The following BCL11B variants were observed in gnomAD, a reference collection of about 807,000 sequenced individuals.
The protein encoded by BCL11B is B-cell lymphoma/leukemia 11B.
In BCL11B, 8 loss-of-function variants were observed where a neutral mutation model predicts 49.9. The observed-to-expected ratio is 0.16, with a 90% confidence interval of 0.09 to 0.29. The LOEUF is 0.29. BCL11B is among the 10% of genes least tolerant of loss of function. BCL11B has a pLI of 1.00. For synonymous variants in BCL11B, 739 were observed against 637.4 expected, an observed-to-expected ratio of 1.16 and a Z score of -2.40; for missense variants, 1,006 against 1,351.0, an observed-to-expected ratio of 0.74 and a Z score of 4.00.
chr14:99,197,868 G>A (rs966045929), intron 3 of BCL11B, among the ~76,000 whole-genome samples: 1 of 152,166 alleles, frequency 6.6e-6, no homozygotes, highest in Non-Finnish European at 1.5e-5. Flanking sequence ...GAGGACAGCA[G>A]ACTCTGCTGT....
chr14:99,271,458 GA>G lies in BCL11B; in HGVS notation c.-241del, dbSNP rs974904377. 5.7e-5 allele frequency: 9 copies of G among 157,710 alleles called. No individual in the cohort carries two copies. Among genetic ancestry groups the G allele is most frequent in the South Asian group, 4.5e-4 (2 of 4,456 alleles). 9.8% of individuals were successfully genotyped at this position (157,710 alleles called of 1,614,324 possible). On this transcript the variant is annotated 5_prime_UTR_variant, in exon 1 of 4. Coordinates refer to ENST00000357195, the MANE Select transcript of BCL11B (RefSeq NM_138576.4). ...CTGTTTTTTGTTTTGTTTGCAAAAA[GA>G]AAAAAAAGGGAAGAAAAGCAAGAAA...
intron 2 of BCL11B, among the ~76,000 whole-genome samples, chr14:99,235,572 C>T (rs373310875): frequency 6.6e-6 from 1 of 152,200 alleles, no homozygotes; most frequent in Non-Finnish European, 1.5e-5. Context: ...CTTACGTCAA[C>T]TCTCTTGACA....
At chr14:99,198,925 C>G (rs575731667) in intron 3 of BCL11B, among the ~76,000 whole-genome samples, 1 of 152,254 alleles carries the variant, frequency 6.6e-6, no homozygotes, top group East Asian at 1.9e-4. Context: ...CCAGGTGCAC[C>G]CCAGCCCCGT....
chr14:99,257,749 C>T lies in BCL11B; in HGVS notation c.149G>A (p.Gly50Asp). The part of the protein sequence containing the change: ...EPSGLGLMVG[G>D]PDPDLLTCGQ... The stretch of plus-strand genomic sequence containing the variant: ...ACAGGTGAGCAGGTCAGGGTCGGGG[C>T]CACCCACCATCAGCCCCAGGCCACT... The change falls in exon 2 of 4, where the codon GGC becomes GAC. Residue 50 changes from glycine to aspartate, a missense_variant. Physicochemically the swap from Gly to Asp is moderately conservative, Grantham distance 94. This residue lies in a region of BCL11B where 411 missense variants were observed against 542.2 expected (regional missense o/e 0.76). Transcript: ENST00000357195. This position sits in a 1 kb window ranked among gnomAD's most constrained non-coding sequence, Gnocchi z 6.2. 6.2e-7 allele frequency: 1 copy of T among 1,607,860 alleles called. No individual in the cohort carries two copies. The highest frequency in any genetic ancestry group is 1.3e-5 in the African/African-American group (1 of 74,892).
At chr14:99,211,076 G>A (rs1007297500) in intron 3 of BCL11B, among the ~76,000 whole-genome samples, 6 of 152,128 alleles carry the variant, frequency 3.9e-5, no homozygotes, top group African/African-American at 7.2e-5. Flanking sequence ...TGCGGGCCCC[G>A]TCCTGAGCCA....
intron 2 of BCL11B, among the ~76,000 whole-genome samples, chr14:99,240,612 A>G (rs1888633487): frequency 6.6e-6 from 1 of 152,232 alleles, no homozygotes; most frequent in Admixed American, 6.5e-5. Context: ...TTTTCAGCAC[A>G]GGTAACATTT....
In BCL11B at chr14:99,232,689, A is replaced by G. The variant is rs1888373071; in HGVS notation, c.428-1132T>C. On this transcript the variant is annotated intron_variant, in intron 2 of 3. Transcript: ENST00000357195. This position sits in a 1 kb window ranked among gnomAD's most constrained non-coding sequence, Gnocchi z 5.1. The stretch of plus-strand genomic sequence containing the variant: ...TTCATTGGACTGAACTTCCTAACAC[A>G]CTGACGGGAACTGGGGCTTAGAATA... 1.3e-5 allele frequency among the ~76,000 whole-genome samples: 2 copies of G among 152,112 alleles called. No individual in the cohort carries two copies. Among genetic ancestry groups the G allele is most frequent in the South Asian group, 4.1e-4 (2 of 4,826 alleles).
rs541201533 is a variant in BCL11B at position 99,170,866 on chromosome 14, TATG to T, written c.*3282_*3284del. 5.8e-4 allele frequency: 135 copies of T among 232,594 alleles called. 1 individual carries two copies. The highest frequency in any genetic ancestry group is 9.9e-4 in the Non-Finnish European group (117 of 117,684). The allele number at this position is 232,594 out of a possible 1,614,324, so 14.4% of individuals were successfully genotyped here. ...ACCCAGCTGAATCACCAGCTCCTTT[TATG>T]ATATTTGTGTTTGTTTCACAATTTC... On this transcript the variant is annotated 3_prime_UTR_variant, in exon 4 of 4. Coordinates refer to ENST00000357195, the MANE Select transcript of BCL11B (RefSeq NM_138576.4).
rs534690806 is a variant in BCL11B at position 99,209,451 on chromosome 14, C to T, written c.640+21894G>A. On this transcript the variant is annotated intron_variant, in intron 3 of 3. Coordinates refer to ENST00000357195, the MANE Select transcript of BCL11B (RefSeq NM_138576.4). ...GTGAAGGAACAAGCCTGGTCGTGGGCTGGAATGAGGTCAGTGCCAGGGCCA... is the reference window on the plus strand; with the variant it reads ...GTGAAGGAACAAGCCTGGTCGTGGGTTGGAATGAGGTCAGTGCCAGGGCCA... Among the ~76,000 whole-genome samples, 7 of 152,142 alleles carry T rather than the reference C, an allele frequency of 4.6e-5. No homozygotes were observed. The South Asian group carries it at 1.5e-3, about 32-fold the overall frequency.
At chr14:99,198,787 C>T (rs1887255476) in intron 3 of BCL11B, among the ~76,000 whole-genome samples, 1 of 152,196 alleles carries the variant, frequency 6.6e-6, no homozygotes, top group Admixed American at 6.5e-5. Context: ...ACCTGTTCCA[C>T]CCCACCCCCG....
At chr14:99,198,449 TG>T (rs1409887757) in intron 3 of BCL11B, among the ~76,000 whole-genome samples, 1 of 152,182 alleles carries the variant, frequency 6.6e-6, no homozygotes, top group African/African-American at 2.4e-5. Flanking sequence ...TCGCTAGAAG[TG>T]CCCTGACATC....
In BCL11B at chr14:99,172,877, T is replaced by A; in HGVS notation, c.*1274A>T. Reference sequence around the variant, plus strand: ...AAAATAAAAACCTGGGAAGTAGCGCTGGGCACCTTCTGATGGAACTCATCC... The same window carrying A: ...AAAATAAAAACCTGGGAAGTAGCGCAGGGCACCTTCTGATGGAACTCATCC... On this transcript the variant is annotated 3_prime_UTR_variant, in exon 4 of 4. Transcript: ENST00000357195. The A allele has an allele frequency of 4.4e-6, 1 of 228,668 alleles. No homozygotes were observed. Among genetic ancestry groups the A allele is most frequent in the Non-Finnish European group, 8.7e-6 (1 of 115,050 alleles). The allele number at this position is 228,668 out of a possible 1,614,324, so 14.2% of individuals were successfully genotyped here. A position where few individuals can be genotyped will look rare whatever the true frequency, so the allele number is the denominator to read the frequency against.
intron 3 of BCL11B, among the ~76,000 whole-genome samples, chr14:99,231,000 AG>A (rs1488467000): frequency 6.8e-6 from 1 of 146,154 alleles, no homozygotes; most frequent in South Asian, 2.2e-4. Flanking sequence ...GGGGTGGGGG[AG>A]GGGGTGGCAG....
rs1886450064 is a variant in BCL11B, at chr14:99,175,110, C to T, written c.1726G>A (p.Val576Ile). 1.3e-6 allele frequency: 2 copies of T among 1,593,742 alleles called. No individual in the cohort carries two copies. Among genetic ancestry groups the T allele is most frequent in the South Asian group, 1.1e-5 (1 of 90,650 alleles). Residue 576 changes from valine (V) to isoleucine (I), a missense_variant, in exon 4 of 4, where the codon GTC becomes ATC. By Grantham distance (29) the Val-to-Ile change is conservative (BLOSUM62 3). Coordinates refer to ENST00000357195, the MANE Select transcript of BCL11B (RefSeq NM_138576.4). ...GCCGCGCCGCCCCCCGCGCCCGGGA[C>T]CCCGGGCACCCCACCACCGCCGTTC... ...RENGGGGVPG[V>I]PGAGGGAAKA...
At chr14:99,263,465 G>A (rs942152837) in intron 1 of BCL11B, among the ~76,000 whole-genome samples, 3 of 152,212 alleles carry the variant, frequency 2.0e-5, no homozygotes, top group African/African-American at 7.2e-5. Flanking sequence ...GGCCTGGCCT[G>A]CAGGCCAGGA....
chr14:99,190,686 G>A, intron 3 of BCL11B, among the ~76,000 whole-genome samples: 1 of 152,150 alleles, frequency 6.6e-6, no homozygotes, highest in South Asian at 2.1e-4. Context: ...CAAAACCACT[G>A]GCAAATTTCT....
At chr14:99,183,590 C>A (rs1211190638) in intron 3 of BCL11B, among the ~76,000 whole-genome samples, 1 of 152,140 alleles carries the variant, frequency 6.6e-6, no homozygotes, top group African/African-American at 2.4e-5. Context: ...TCCTCATCCA[C>A]ACAGGGAAAA....
intron 1 of BCL11B, among the ~76,000 whole-genome samples, chr14:99,259,468 G>A (rs1019553648): frequency 6.6e-5 from 10 of 152,322 alleles, no homozygotes; most frequent in East Asian, 3.9e-4. Flanking sequence ...CAACGCGCAC[G>A]TATGAACTAT....
chr14:99,201,567 C>G (rs1887384338), intron 3 of BCL11B, among the ~76,000 whole-genome samples: 1 of 152,188 alleles, frequency 6.6e-6, no homozygotes, highest in Admixed American at 6.5e-5. Context: ...TGCCCCCAGT[C>G]CCTGTCCTGG....
Sources: allele counts gnomAD v4.1 joint callset (sites outside exome capture counted in the v4.1 genomes callset), GRCh38; gene constraint gnomAD v4.1.1; regional missense constraint gnomAD v4.1.1; non-coding constraint Gnocchi (gnomAD v3.1); transcripts MANE v1.5; gene names NCBI Gene and HGNC (gene_info 2026-07-23, HGNC 2026-07-21).